The following EIF3A variants were observed in gnomAD, a reference collection of about 807,000 sequenced individuals.
The protein encoded by EIF3A is EIF3, p180 subunit.
A neutral mutation model predicts 186.6 loss-of-function variants in EIF3A; 21 were observed. The ratio of observed to expected loss-of-function variants is 0.11; its 90% CI spans 0.08 to 0.16. EIF3A has a LOEUF of 0.16. EIF3A is among the 10% of genes least tolerant of loss of function. EIF3A has a pLI of 1.00. For synonymous variants in EIF3A, 563 were observed against 584.3 expected, an observed-to-expected ratio of 0.96 and a Z score of 0.52; for missense variants, 1,306 against 1,796.3, an observed-to-expected ratio of 0.73 and a Z score of 4.93.
intron 19 of EIF3A, among the ~76,000 whole-genome samples, chr10:119,041,752 C>G (rs915676901): frequency 6.6e-6 from 1 of 152,138 alleles, no homozygotes; most frequent in African/African-American, 2.4e-5. Flanking sequence ...AAGAAGCAGT[C>G]ATCGAAGCAG....
rs1182676002 is a variant in EIF3A, at chr10:119,042,447, C to A, written c.3073G>T (p.Asp1025Tyr). 1 of 1,614,234 alleles carries A rather than the reference C, an allele frequency of 6.2e-7. No individual in the cohort carries two copies. The highest frequency in any genetic ancestry group is 8.5e-7 in the Non-Finnish European group (1 of 1,180,040). ...TCAGCTGTTCGCCAGCTTCCTCTGT[C>A]CTCATCCAGTCCTCGTCTAGGTGGT... Reference protein sequence around the residue: ...DRPPRRGLDEDRGSWRTADED... With the variant: ...DRPPRRGLDEYRGSWRTADED... The change falls in exon 19 of 22, where the codon GAC (aspartate) becomes TAC (tyrosine). Residue 1025 changes from aspartate (D) to tyrosine (Y), a missense_variant. This residue lies in a region of EIF3A where 410 missense variants were observed against 473.5 expected (regional missense o/e 0.87). Transcript: ENST00000369144. This position sits in a 1 kb window ranked among gnomAD's most constrained non-coding sequence, Gnocchi z 7.8.
At chr10:119,054,968 G>C (rs1164231305) in intron 14 of EIF3A, among the ~76,000 whole-genome samples, 1 of 152,218 alleles carries the variant, frequency 6.6e-6, no homozygotes, top group African/African-American at 2.4e-5. Context: ...CCAGCACTTT[G>C]GGAGGCTGAG....
rs771425860 is a variant in EIF3A at position 119,038,373 on chromosome 10, G to A, written c.3593C>T (p.Ser1198Leu). ...TTCTCTGTCCCATTCACGTTCTTCTGATGGCCTTGATTCTCGAGGTGGACC... is the reference window on the plus strand; with the variant it reads ...TTCTCTGTCCCATTCACGTTCTTCTAATGGCCTTGATTCTCGAGGTGGACC... ...SWGPPRESRP[S>L]EEREWDREKE... Residue 1198 changes from serine (S) to leucine (L), a missense_variant, in exon 20 of 22, where the codon TCA (serine) becomes TTA (leucine). Ser to Leu is a moderately radical substitution (Grantham distance 145, BLOSUM62 -2). Coordinates refer to ENST00000369144, the MANE Select transcript of EIF3A (RefSeq NM_003750.4). 8.7e-6 allele frequency: 14 copies of A among 1,613,944 alleles called. No homozygotes were observed. Among genetic ancestry groups the A allele is most frequent in the Non-Finnish European group, 8.5e-6 (10 of 1,179,994 alleles).
chr10:119,061,611 C>T lies in EIF3A; in HGVS notation c.1123-283G>A, dbSNP rs1035462179. ...ACAACCAATTAAATATTCACAAAGACAACTACTGTGGCCAATAGAATATTT... is the reference window on the plus strand; with the variant it reads ...ACAACCAATTAAATATTCACAAAGATAACTACTGTGGCCAATAGAATATTT... On this transcript the variant is annotated intron_variant, in intron 7 of 21. Coordinates refer to ENST00000369144, the MANE Select transcript of EIF3A (RefSeq NM_003750.4). Among the ~76,000 whole-genome samples, 5 of 152,184 alleles carry T rather than the reference C, an allele frequency of 3.3e-5. No homozygotes were observed. In the South Asian group the frequency reaches 1.0e-3, roughly 32 times the overall value.
intron 12 of EIF3A, among the ~76,000 whole-genome samples, chr10:119,057,722 C>G (rs945926076): frequency 1.3e-5 from 2 of 152,154 alleles, no homozygotes; most frequent in Non-Finnish European, 2.9e-5. Flanking sequence ...TTGCAGTGAG[C>G]TGAGATCACG....
chr10:119,049,058 C>T (rs1012527818), intron 17 of EIF3A, among the ~76,000 whole-genome samples: 5 of 152,296 alleles, frequency 3.3e-5, no homozygotes, highest in Middle Eastern at 3.4e-3. Flanking sequence ...GACACGCATG[C>T]GCAAAAGTAT....
chr10:119,061,886 T>C (rs1843893942), intron 7 of EIF3A, among the ~76,000 whole-genome samples: 1 of 152,186 alleles, frequency 6.6e-6, no homozygotes, highest in African/African-American at 2.4e-5. Flanking sequence ...TACCATGGAA[T>C]ATGTCATTTT....
intron 19 of EIF3A, 115 bp downstream of exon 19, chr10:119,041,877 AGG>A: frequency 8.9e-7 from 1 of 1,127,772 alleles, no homozygotes. Context: ...ATGATACTGA[AGG>A]AAAGATGAAA....
At chr10:119,057,539 C>G (rs1260160964) in intron 12 of EIF3A, among the ~76,000 whole-genome samples, 1 of 152,148 alleles carries the variant, frequency 6.6e-6, no homozygotes, top group Non-Finnish European at 1.5e-5. Context: ...ATTTGGGAGG[C>G]TGAGGCAAGT....
Position 119,080,789 on chromosome 10 carries a change from C to T in EIF3A, c.-113G>A. The T allele has an allele frequency of 1.4e-6, 2 of 1,438,894 alleles. No homozygotes were observed. The highest frequency in any genetic ancestry group is 3.0e-5 in the East Asian group (1 of 33,102). 89.1% of individuals were successfully genotyped at this position (1,438,894 alleles called of 1,614,324 possible). A position where few individuals can be genotyped will look rare whatever the true frequency, so the allele number is the denominator to read the frequency against. On this transcript the variant is annotated 5_prime_UTR_variant, in exon 1 of 22. Coordinates refer to ENST00000369144, the MANE Select transcript of EIF3A (RefSeq NM_003750.4). ...TCCCACGCGCCTCGCCAGCAGTCGC[C>T]CGCGCCCAGCCGGCCAGAGACGGAA... is the stretch of plus-strand genomic sequence containing the variant.
intron 14 of EIF3A, among the ~76,000 whole-genome samples, chr10:119,054,269 A>C (rs1353370794): frequency 1.3e-5 from 2 of 152,064 alleles, no homozygotes; most frequent in Non-Finnish European, 2.9e-5. Flanking sequence ...TTAACTGTTG[A>C]GAGTTATAGC....
intron 1 of EIF3A, among the ~76,000 whole-genome samples, chr10:119,076,890 T>G (rs940609309): frequency 1.4e-5 from 2 of 144,606 alleles, no homozygotes; most frequent in South Asian, 4.4e-4. Context: ...GAGCCAAGAT[T>G]GCGTCACTGC....
chr10:119,042,708 G>A lies in EIF3A; in HGVS notation c.2812C>T (p.Arg938Trp), dbSNP rs768154603. ...CTATCTTCATCATCCCCCAGACGCCGGGGCCGCTCTTCATCTCTTCTATGA... is the reference window on the plus strand; with the variant it reads ...CTATCTTCATCATCCCCCAGACGCCAGGGCCGCTCTTCATCTCTTCTATGA... ...RSHRRDEERP[R>W]RLGDDEDREP... Residue 938 changes from arginine to tryptophan, a missense_variant, in exon 19 of 22, where the codon CGG (arginine) becomes TGG (tryptophan). Arg to Trp is a moderately radical substitution (Grantham distance 101, BLOSUM62 -3). Around this residue, in one of 8 missense-constraint regions of EIF3A, gnomAD observed 410 missense variants for 473.5 expected, o/e 0.87. Coordinates refer to ENST00000369144, the MANE Select transcript of EIF3A (RefSeq NM_003750.4). The surrounding 1 kb of genome is among the most constrained non-coding windows in gnomAD (Gnocchi z 7.8). 2.7e-5 allele frequency: 43 copies of A among 1,613,656 alleles called. 1 individual carries two copies. In the Middle Eastern group the frequency reaches 4.9e-4, roughly 19 times the overall value.
At chr10:119,065,221 G>A (rs183391443) in intron 7 of EIF3A, among the ~76,000 whole-genome samples, 178 bp downstream of exon 7, 87 of 152,188 alleles carry the variant, frequency 5.7e-4, no homozygotes, top group African/African-American at 1.8e-3. Flanking sequence ...TTTAACCCCT[G>A]CTCACCCACT....
At position 119,042,475 on chromosome 10, in the gene EIF3A, GTCA is replaced by G. The variant is rs772062067; in HGVS notation, c.3042_3044del (p.Asp1015del). The G allele has an allele frequency of 1.2e-6, 2 of 1,614,092 alleles. No homozygotes were observed. Among genetic ancestry groups the G allele is most frequent in the Non-Finnish European group, 1.7e-6 (2 of 1,180,030 alleles). ...CATCCAGTCCTCGTCTAGGTGGTCT[GTCA>G]TCATCCGCATGACGCCAGTTTCCCC... On this transcript the variant is annotated inframe_deletion, in exon 19 of 22. Coordinates refer to ENST00000369144, the MANE Select transcript of EIF3A (RefSeq NM_003750.4). This position sits in a 1 kb window ranked among gnomAD's most constrained non-coding sequence, Gnocchi z 7.8.
chr10:119,056,369 T>A (rs556095211), intron 14 of EIF3A, among the ~76,000 whole-genome samples: 2 of 152,310 alleles, frequency 1.3e-5, no homozygotes, highest in African/African-American at 4.8e-5. Flanking sequence ...TAGGGATGAC[T>A]ACTGCTAATG....
In EIF3A at chr10:119,073,434, C is replaced by A. The variant is rs1278747906; in HGVS notation, c.377+7G>T. 1 of 1,588,834 alleles carries A rather than the reference C, an allele frequency of 6.3e-7. No homozygotes were observed. Among genetic ancestry groups the A allele is most frequent in the East Asian group, 2.2e-5 (1 of 44,686 alleles). On this transcript the variant is annotated splice_region_variant and intron_variant, in intron 3 of 21. Coordinates refer to ENST00000369144, the MANE Select transcript of EIF3A (RefSeq NM_003750.4). Reference sequence around the variant, plus strand: ...CAAAGCATTTATTAGAGGTCTAACCCACATACCTCTCAGGAGTTTGAATAT... The same window carrying A: ...CAAAGCATTTATTAGAGGTCTAACCAACATACCTCTCAGGAGTTTGAATAT...
intron 15 of EIF3A, among the ~76,000 whole-genome samples, chr10:119,050,888 T>C (rs1416454061): frequency 6.6e-6 from 1 of 152,216 alleles, no homozygotes; most frequent in Non-Finnish European, 1.5e-5. Flanking sequence ...CTACCTCCAG[T>C]GGGTTTGTCT....
chr10:119,068,826 A>T (rs150825714), intron 6 of EIF3A, among the ~76,000 whole-genome samples: 36 of 152,018 alleles, frequency 2.4e-4, no homozygotes, highest in African/African-American at 8.4e-4. Context: ...TGCAAAAATT[A>T]GCCGGGCATG....
Sources: allele counts gnomAD v4.1 joint callset (sites outside exome capture counted in the v4.1 genomes callset), GRCh38; gene constraint gnomAD v4.1.1; regional missense constraint gnomAD v4.1.1; non-coding constraint Gnocchi (gnomAD v3.1); transcripts MANE v1.5; gene names NCBI Gene and HGNC (gene_info 2026-07-23, HGNC 2026-07-21).